The following CLEC16A variants were observed in gnomAD, a reference collection of about 807,000 sequenced individuals.
CLEC16A encodes C-type lectin domain containing 16A.
A neutral mutation model predicts 109.5 loss-of-function variants in CLEC16A; 51 were observed. The ratio of observed to expected loss-of-function variants is 0.47; its 90% CI spans 0.37 to 0.59. The LOEUF (loss-of-function observed/expected upper bound fraction) is 0.59. Among genes scored for constraint, CLEC16A ranks in the 20% least tolerant of loss-of-function variants. The pLI, the probability that CLEC16A is intolerant of heterozygous loss-of-function variation, is 0.00. For synonymous variants in CLEC16A, 673 were observed against 564.2 expected (o/e 1.19, Z -2.73); for missense variants, 1,339 against 1,394.0 (o/e 0.96, Z 0.63).
intron 19 of CLEC16A, among the ~76,000 whole-genome samples, chr16:11,070,054 A>T (rs1007494535): frequency 6.9e-6 from 1 of 145,002 alleles, no homozygotes; most frequent in Non-Finnish European, 1.5e-5. Flanking sequence ...TTCTCCCAGC[A>T]CCTTGTTTGA....
At chr16:11,011,746 AC>A (rs1443970011) in intron 11 of CLEC16A, among the ~76,000 whole-genome samples, 1 of 152,198 alleles carries the variant, frequency 6.6e-6, no homozygotes, top group Non-Finnish European at 1.5e-5. Context: ...GCCTACATAT[AC>A]ATACATATAA....
intron 18 of CLEC16A, among the ~76,000 whole-genome samples, chr16:11,053,371 A>AAT (rs2048048638): frequency 6.6e-6 from 1 of 151,398 alleles, no homozygotes; most frequent in Non-Finnish European, 1.5e-5. Context: ...ACAGAGGAAG[A>AAT]ATTTTTTTTT....
Position 11,075,540 on chromosome 16 carries a change from G to T in CLEC16A, c.2116+14518G>T, listed in dbSNP as rs186903829. Among the ~76,000 whole-genome samples the T allele has an allele frequency of 2.3e-3, 352 of 152,044 alleles. 8 individuals carry two copies. The highest frequency in any genetic ancestry group is 3.5e-3 in the South Asian group (17 of 4,818). ...AACCTTGAACCCCGGGGGCTCAAGGGCTCCTCCCACCTTAGCCTCTAGAGT... is the reference window on the plus strand; with the variant it reads ...AACCTTGAACCCCGGGGGCTCAAGGTCTCCTCCCACCTTAGCCTCTAGAGT... On this transcript the variant is annotated intron_variant, in intron 19 of 23. Coordinates refer to ENST00000409790, the MANE Select transcript of CLEC16A (RefSeq NM_015226.3).
intron 22 of CLEC16A, among the ~76,000 whole-genome samples, chr16:11,153,817 C>T (rs1193393592): frequency 2.0e-5 from 3 of 151,914 alleles, no homozygotes; most frequent in East Asian, 1.9e-4. Flanking sequence ...ACTACAAATG[C>T]ATAATAGCTA....
intron 16 of CLEC16A, among the ~76,000 whole-genome samples, chr16:11,046,044 C>T (rs1371776110): frequency 6.6e-6 from 1 of 152,066 alleles, no homozygotes; most frequent in Non-Finnish European, 1.5e-5. Context: ...ACTTGGCCTC[C>T]AAGTGAGGAT....
chr16:11,067,506 CCA>C (rs775052871), intron 19 of CLEC16A, among the ~76,000 whole-genome samples: 15 of 151,964 alleles, frequency 9.9e-5, no homozygotes, highest in Non-Finnish European at 1.8e-4. Flanking sequence ...GGCAGTGTGG[CCA>C]CAGAGTCGGG....
chr16:11,038,042 T>C (rs2047120770), intron 13 of CLEC16A, among the ~76,000 whole-genome samples: 1 of 152,128 alleles, frequency 6.6e-6, no homozygotes, highest in Non-Finnish European at 1.5e-5. Flanking sequence ...TGTGGGGCGT[T>C]TTGGGGCATG....
chr16:11,104,263 C>G (rs549640194), intron 19 of CLEC16A, among the ~76,000 whole-genome samples: 1 of 125,040 alleles, frequency 8.0e-6, no homozygotes, highest in East Asian at 2.4e-4. Flanking sequence ...CATGTGCCAC[C>G]ATACCCAGCT....
At chr16:11,083,802 G>C (rs148464037) in intron 19 of CLEC16A, among the ~76,000 whole-genome samples, 2 of 152,308 alleles carry the variant, frequency 1.3e-5, no homozygotes, top group South Asian at 2.1e-4. Flanking sequence ...CTGTCCGCTG[G>C]GAGGCAGGGA....
chr16:11,172,129 C>T (rs911439448), intron 23 of CLEC16A, among the ~76,000 whole-genome samples: 1 of 151,922 alleles, frequency 6.6e-6, no homozygotes, highest in African/African-American at 2.4e-5. Flanking sequence ...CACACACATA[C>T]ACAGTCACAC....
chr16:11,006,200 G>A (rs1232296941), intron 11 of CLEC16A, among the ~76,000 whole-genome samples: 1 of 152,060 alleles, frequency 6.6e-6, no homozygotes, highest in Non-Finnish European at 1.5e-5. Context: ...GGGTACTGTG[G>A]GCCTGACTTG....
intron 19 of CLEC16A, among the ~76,000 whole-genome samples, chr16:11,089,600 T>C (rs541249673): frequency 1.5e-4 from 23 of 151,760 alleles, no homozygotes; most frequent in African/African-American, 5.4e-4. Flanking sequence ...CTGGCCCCTG[T>C]TGGTCTTTGT....
chr16:11,136,144 C>A (rs568573841), intron 22 of CLEC16A: 1 of 152,252 alleles, frequency 6.6e-6, no homozygotes, highest in Non-Finnish European at 1.5e-5. Flanking sequence ...GGGCCCAAGT[C>A]CCAGCCTTCC....
chr16:10,994,099 C>T (rs2044190464), intron 10 of CLEC16A, among the ~76,000 whole-genome samples: 1 of 152,214 alleles, frequency 6.6e-6, no homozygotes, highest in African/African-American at 2.4e-5. Flanking sequence ...GAGAGATGGA[C>T]ATTTCCTTGC....
intron 13 of CLEC16A, among the ~76,000 whole-genome samples, chr16:11,037,117 G>A (rs1009848762): frequency 3.3e-5 from 5 of 152,078 alleles, no homozygotes; most frequent in Non-Finnish European, 4.4e-5. Flanking sequence ...AGTTCCTCCC[G>A]CACCCCACCG....
chr16:11,027,089 T>G (rs1279333006), intron 13 of CLEC16A: 1 of 1,544,778 alleles, frequency 6.5e-7, no homozygotes, highest in African/African-American at 1.4e-5. Context: ...AGAGGAAGGC[T>G]TATCAGGCAC....
chr16:11,102,913 G>A (rs1182121035), intron 19 of CLEC16A, among the ~76,000 whole-genome samples: 1 of 152,178 alleles, frequency 6.6e-6, no homozygotes, highest in Non-Finnish European at 1.5e-5. Context: ...AGGGCCAGAG[G>A]GGAGACGGCA....
At position 11,178,681 on chromosome 16, in the gene CLEC16A, T is replaced by G. The variant is rs1464460482; in HGVS notation, c.3153T>G (p.Ala1051=). 3 of 1,503,116 alleles carry G rather than the reference T, an allele frequency of 2.0e-6. No individual in the cohort carries two copies. Among genetic ancestry groups the G allele is most frequent in the Non-Finnish European group, 2.7e-6 (3 of 1,128,422 alleles). 93.1% of individuals were successfully genotyped at this position (1,503,116 alleles called of 1,614,324 possible). The change falls in exon 24 of 24, where the codon GCT becomes GCG. Residue 1051 remains alanine (A), a synonymous_variant. Transcript: ENST00000409790. This position sits in a 1 kb window ranked among gnomAD's most constrained non-coding sequence, Gnocchi z 6.5. ...CATGTGCTGAGCCTGTGGGCACCGC[T>G]GAGGACTGAGTCAGTGCCGGGGCCT... is the stretch of plus-strand genomic sequence containing the variant. ...EAACAEPVGT[A]ED
intron 9 of CLEC16A, among the ~76,000 whole-genome samples, chr16:10,981,713 C>G (rs2043330484): frequency 6.6e-6 from 1 of 152,168 alleles, no homozygotes; most frequent in Non-Finnish European, 1.5e-5. Context: ...CATGTAAAAA[C>G]CGGGTTTCTG....
Sources: allele counts gnomAD v4.1 joint callset (sites outside exome capture counted in the v4.1 genomes callset), GRCh38; gene constraint gnomAD v4.1.1; non-coding constraint Gnocchi (gnomAD v3.1); transcripts MANE v1.5; gene names NCBI Gene and HGNC (gene_info 2026-07-23, HGNC 2026-07-21).